FAM78B: variants seen among roughly 807,000 people sequenced by gnomAD.
The protein encoded by FAM78B is family with sequence similarity 78 member B.
A neutral mutation model predicts 20.0 loss-of-function variants in FAM78B; 10 were observed. That is an observed-to-expected ratio of 0.50 (90% CI 0.31 to 0.85). FAM78B has a LOEUF of 0.85. Among genes scored for constraint, FAM78B ranks in the 40% least tolerant of loss-of-function variants. The pLI is 0.05. For missense variants in FAM78B, 283 were observed against 345.0 expected, an observed-to-expected ratio of 0.82 and a Z score of 1.42; for synonymous variants, 135 against 132.8, an observed-to-expected ratio of 1.02 and a Z score of -0.12.
intron 1 of FAM78B, among the ~76,000 whole-genome samples, chr1:166,116,264 C>T (rs1654247343): frequency 6.6e-6 from 1 of 152,216 alleles, no homozygotes; most frequent in Non-Finnish European, 1.5e-5. Flanking sequence ...TCTTCATTCT[C>T]TCTGACCAGA....
At chr1:166,090,444 T>C (rs1167466216) in intron 1 of FAM78B, among the ~76,000 whole-genome samples, 1 of 151,844 alleles carries the variant, frequency 6.6e-6, no homozygotes, top group African/African-American at 2.4e-5. Context: ...ACAGGGGAAG[T>C]AGGTGTCAGG....
intron 1 of FAM78B, among the ~76,000 whole-genome samples, chr1:166,138,831 G>A (rs1655170376): frequency 6.6e-6 from 1 of 152,216 alleles, no homozygotes; most frequent in African/African-American, 2.4e-5. Flanking sequence ...TTATTGCTTA[G>A]AATAGTGCCT....
chr1:166,067,166 A>G (rs968466726), downstream of FAM78B, among the ~76,000 whole-genome samples: 1 of 152,090 alleles, frequency 6.6e-6, no homozygotes, highest in African/African-American at 2.4e-5. Flanking sequence ...AGAGGCTGTG[A>G]GTTCTAGCTA....
intron 1 of FAM78B, among the ~76,000 whole-genome samples, chr1:166,073,072 T>C (rs1652112373): frequency 6.6e-6 from 1 of 152,126 alleles, no homozygotes; most frequent in Non-Finnish European, 1.5e-5. Flanking sequence ...AAAACAGAGA[T>C]AATACAATAA....
chr1:166,106,064 G>A lies in FAM78B; in HGVS notation c.264-35301C>T, dbSNP rs188532470. Among the ~76,000 whole-genome samples the A allele has an allele frequency of 2.0e-5, 3 of 151,826 alleles. No homozygotes were observed. In the East Asian group the frequency reaches 5.9e-4, roughly 30 times the overall value. On this transcript the variant is annotated intron_variant, in intron 1 of 1. Coordinates refer to ENST00000354422, the MANE Select transcript of FAM78B (RefSeq NM_001017961.5). ...AGTTCATGTCCTTTGTAGGGACATG[G>A]GTGAAGATGGAAACCATCATTCTCA...
intron 1 of FAM78B, among the ~76,000 whole-genome samples, chr1:166,112,725 A>G (rs1199135478): frequency 6.6e-6 from 1 of 152,190 alleles, no homozygotes; most frequent in Non-Finnish European, 1.5e-5. Flanking sequence ...CAGCAAGGCT[A>G]TGGTCCACCT....
intron 1 of FAM78B, among the ~76,000 whole-genome samples, chr1:166,117,679 G>A (rs1654310382): frequency 2.0e-5 from 3 of 152,218 alleles, no homozygotes; most frequent in Admixed American, 2.0e-4. Flanking sequence ...GTACATGGAA[G>A]GCACTGGAGG....
At chr1:166,154,273 C>G (rs550925676) in intron 1 of FAM78B, among the ~76,000 whole-genome samples, 1 of 152,182 alleles carries the variant, frequency 6.6e-6, no homozygotes. Context: ...AGCACCAGGG[C>G]TAGGGTAAGG....
intron 1 of FAM78B, among the ~76,000 whole-genome samples, chr1:166,127,899 C>G (rs973216053): frequency 2.0e-5 from 3 of 151,782 alleles, no homozygotes; most frequent in African/African-American, 7.3e-5. Context: ...CAAATGGATC[C>G]ACACATAATT....
At chr1:166,113,574 G>A (rs2101761099) in intron 1 of FAM78B, among the ~76,000 whole-genome samples, 1 of 152,344 alleles carries the variant, frequency 6.6e-6, no homozygotes, top group African/African-American at 2.4e-5. Context: ...AAATTAGTGG[G>A]ATGTGTATGT....
intron 1 of FAM78B, among the ~76,000 whole-genome samples, chr1:166,077,507 T>C (rs765473523): frequency 2.7e-5 from 4 of 150,624 alleles, no homozygotes; most frequent in South Asian, 4.2e-4. Context: ...AGAAATCAAA[T>C]GAAGTGATGA....
chr1:166,140,176 C>A (rs1160172040), intron 1 of FAM78B, among the ~76,000 whole-genome samples: 5 of 152,184 alleles, frequency 3.3e-5, no homozygotes, highest in Non-Finnish European at 5.9e-5. Context: ...TTGCTCTCTA[C>A]CCCAGCAAGG....
intron 1 of FAM78B, among the ~76,000 whole-genome samples, chr1:166,113,226 T>C (rs1654127510): frequency 6.6e-6 from 1 of 152,212 alleles, no homozygotes; most frequent in South Asian, 2.1e-4. Context: ...GTGGGTCCTG[T>C]GGATCCCCTA....
intron 1 of FAM78B, among the ~76,000 whole-genome samples, chr1:166,073,563 G>C (rs1009960668): frequency 1.4e-5 from 2 of 146,418 alleles, no homozygotes; most frequent in African/African-American, 5.0e-5. Flanking sequence ...CAAAAGGAGA[G>C]TTGTGTCTAT....
intron 1 of FAM78B, among the ~76,000 whole-genome samples, chr1:166,089,186 G>A (rs938843309): frequency 9.2e-5 from 14 of 152,174 alleles, no homozygotes; most frequent in African/African-American, 2.9e-4. Context: ...CACGCTGAAC[G>A]AAACTAGGTC....
intron 1 of FAM78B, among the ~76,000 whole-genome samples, chr1:166,150,010 T>C (rs79843132): frequency 0.016 from 2,425 of 152,280 alleles, 68 homozygotes; most frequent in African/African-American, 0.055. Context: ...AAAGTGAGCC[T>C]TGGGGGTAAG....
intron 1 of FAM78B, among the ~76,000 whole-genome samples, chr1:166,111,533 T>C (rs538856277): frequency 6.6e-6 from 1 of 152,364 alleles, no homozygotes; most frequent in South Asian, 2.1e-4. Context: ...GCTTATAGTC[T>C]ATTTTGGAAA....
At chr1:166,101,784 T>C (rs953380859) in intron 1 of FAM78B, among the ~76,000 whole-genome samples, 2 of 151,964 alleles carry the variant, frequency 1.3e-5, no homozygotes, top group Non-Finnish European at 2.9e-5. Flanking sequence ...GAAAACACTC[T>C]GCAGGATATT....
intron 1 of FAM78B, among the ~76,000 whole-genome samples, chr1:166,094,292 G>A (rs759251397): frequency 2.6e-5 from 4 of 152,186 alleles, no homozygotes; most frequent in Admixed American, 6.5e-5. Flanking sequence ...GGAGCAGGAG[G>A]CTGCAGTCTG....
Sources: allele counts gnomAD v4.1 joint callset (sites outside exome capture counted in the v4.1 genomes callset), GRCh38; gene constraint gnomAD v4.1.1; transcripts MANE v1.5; gene names NCBI Gene and HGNC (gene_info 2026-07-23, HGNC 2026-07-21).